CELF2: variants seen among roughly 807,000 people sequenced by gnomAD.
CELF2 encodes CUG triplet repeat RNA-binding protein 2.
In CELF2, 8 loss-of-function variants were observed where a neutral mutation model predicts 62.6. The observed-to-expected ratio is 0.13, with a 90% CI of 0.07 to 0.23. The LOEUF is 0.23. Among genes scored for constraint, CELF2 ranks in the 10% least tolerant of loss-of-function variants. The pLI is 1.00. For missense variants in CELF2, 333 were observed against 671.0 expected (o/e 0.50, Z 5.56); for synonymous variants, 258 against 250.0 (o/e 1.03, Z -0.30).
chr10:11,211,813 A>AGAGTGTGC lies in CELF2; in HGVS notation c.272-5611_272-5610insAGTGTGCG, dbSNP rs1373283373. On this transcript the variant is annotated intron_variant, in intron 2 of 12. Coordinates refer to ENST00000633077, the MANE Select transcript of CELF2 (RefSeq NM_001326342.2). The surrounding 1 kb of genome is among the most constrained non-coding windows in gnomAD (Gnocchi z 4.8). Reference sequence around the variant, plus strand: ...GTGTGAGAGAGAGAGAGAGAGAGAGAGTGTGTGTGTGTGTGTGTGTGTGTG... The same window carrying AGAGTGTGC: ...GTGTGAGAGAGAGAGAGAGAGAGAGAGAGTGTGCGTGTGTGTGTGTGTGTGTGTGTGTG... 1.6e-3 allele frequency among the ~76,000 whole-genome samples: 141 copies of AGAGTGTGC among 89,358 alleles called. No individual in the cohort carries two copies. The highest frequency in any genetic ancestry group is 6.5e-3 in the African/African-American group (138 of 21,212). 58.6% of individuals were successfully genotyped at this position (89,358 alleles called of 152,430 possible).
the CELF2 span, among the ~76,000 whole-genome samples, chr10:10,762,444 C>A: frequency 2.6e-5 from 4 of 152,130 alleles, no homozygotes; most frequent in African/African-American, 9.7e-5. Flanking sequence ...GTAGGAAAAT[C>A]ATCTGAGAAT....
intron 2 of CELF2, among the ~76,000 whole-genome samples, chr10:10,930,296 A>T (rs1484133074): frequency 6.6e-6 from 1 of 152,212 alleles, no homozygotes; most frequent in Non-Finnish European, 1.5e-5. Flanking sequence ...AGAGATTTTG[A>T]TACCCTATTT....
intron 1 of CELF2, among the ~76,000 whole-genome samples, chr10:11,033,483 C>T (rs2060466587): frequency 6.6e-6 from 1 of 152,094 alleles, no homozygotes; most frequent in South Asian, 2.1e-4. Flanking sequence ...TCTCAGCCTC[C>T]CGACCTCAGG....
chr10:11,208,201 G>A (rs765357607), intron 2 of CELF2, among the ~76,000 whole-genome samples: 25 of 152,072 alleles, frequency 1.6e-4, no homozygotes, highest in Admixed American at 3.3e-4. Context: ...TGGGGAGTTA[G>A]GCTGGTAGAA....
At chr10:10,844,119 A>G (rs532878527) in intron 1 of CELF2, among the ~76,000 whole-genome samples, 1 of 152,116 alleles carries the variant, frequency 6.6e-6, no homozygotes, top group African/African-American at 2.4e-5. Context: ...TTCCTGCCTC[A>G]GAGTCCTGAT....
intron 1 of CELF2, among the ~76,000 whole-genome samples, chr10:10,834,649 G>C (rs1435761817): frequency 6.6e-6 from 1 of 152,204 alleles, no homozygotes; most frequent in Non-Finnish European, 1.5e-5. Context: ...CATCCTGCAA[G>C]TCAGACCCAA....
In CELF2 at chr10:10,964,367, C is replaced by A. The variant is rs2049888936; in HGVS notation, c.89+44368C>A. ...ATCAGTGATTAAGGGGGTAAACTGGCCACTTTTTGAAGGTGTTTTAACACT... is the reference window on the plus strand; with the variant it reads ...ATCAGTGATTAAGGGGGTAAACTGGACACTTTTTGAAGGTGTTTTAACACT... On this transcript the variant is annotated intron_variant, in intron 2 of 13. Coordinates refer to the CELF2 transcript ENST00000636488. Among the ~76,000 whole-genome samples the A allele has an allele frequency of 2.0e-5, 3 of 152,182 alleles. No homozygotes were observed. The South Asian group carries it at 6.2e-4, about 32-fold the overall frequency.
At chr10:10,893,318 T>C (rs11814958) in intron 1 of CELF2, among the ~76,000 whole-genome samples, 4,219 of 152,194 alleles carry the variant, frequency 0.028, 183 homozygotes, top group African/African-American at 0.095. Context: ...GCCCTAAGAT[T>C]ATGGAAGTGC....
intron 1 of CELF2, among the ~76,000 whole-genome samples, chr10:11,152,570 C>T (rs1355153989): frequency 6.6e-6 from 1 of 152,194 alleles, no homozygotes; most frequent in Non-Finnish European, 1.5e-5. Context: ...CACCTTTTAA[C>T]CTTTTCACTC....
At chr10:10,670,909 C>T in the CELF2 span, among the ~76,000 whole-genome samples, 14 of 142,534 alleles carry the variant, frequency 9.8e-5, no homozygotes, top group Non-Finnish European at 1.7e-4. Context: ...TGGCTCATGC[C>T]TGTAACCTCA....
the CELF2 span, among the ~76,000 whole-genome samples, chr10:10,608,332 A>G: frequency 2.0e-5 from 3 of 152,178 alleles, no homozygotes; most frequent in Non-Finnish European, 4.4e-5. Flanking sequence ...GTTTACCTGA[A>G]GACAACCAGA....
chr10:11,072,210 A>G (rs1320121612), intron 1 of CELF2, among the ~76,000 whole-genome samples: 1 of 152,216 alleles, frequency 6.6e-6, no homozygotes, highest in Non-Finnish European at 1.5e-5. Flanking sequence ...CATGGAAGAC[A>G]CTAATTTGAG....
At chr10:10,881,504 G>A (rs966364706) in intron 1 of CELF2, among the ~76,000 whole-genome samples, 1 of 152,124 alleles carries the variant, frequency 6.6e-6, no homozygotes, top group Admixed American at 6.6e-5. Flanking sequence ...AAGATTTGTA[G>A]CATTAGACAA....
intron 2 of CELF2, among the ~76,000 whole-genome samples, chr10:10,966,095 G>C (rs2050095918): frequency 6.6e-6 from 1 of 152,246 alleles, no homozygotes; most frequent in African/African-American, 2.4e-5. Context: ...GGGGTACCCA[G>C]ATAGGAGAAC....
intron 1 of CELF2, among the ~76,000 whole-genome samples, chr10:11,101,729 A>G (rs553157787): frequency 6.6e-5 from 10 of 152,122 alleles, no homozygotes; most frequent in South Asian, 2.1e-4. Flanking sequence ...AACACTTGTA[A>G]CCTCTGCATA....
Position 11,321,835 on chromosome 10 carries a change from A to G in CELF2, c.1294+449A>G, listed in dbSNP as rs895954612. ...TATATACCACTCTGGCTTTGTTGAT[A>G]AATAAATGGTTTTAATTATTTCCCC... On this transcript the variant is annotated intron_variant, in intron 11 of 12. Coordinates refer to ENST00000633077, the MANE Select transcript of CELF2 (RefSeq NM_001326342.2). This position sits in a 1 kb window ranked among gnomAD's most constrained non-coding sequence, Gnocchi z 6.2. Among the ~76,000 whole-genome samples, 6 of 152,200 alleles carry G rather than the reference A, an allele frequency of 3.9e-5. No homozygotes were observed. Among genetic ancestry groups the G allele is most frequent in the African/African-American group, 1.4e-4 (6 of 41,442 alleles).
Position 11,332,254 on chromosome 10 carries a change from C to T in CELF2, c.*3201C>T, listed in dbSNP as rs1055275475. The T allele has an allele frequency of 4.6e-5, 7 of 152,176 alleles. No individual in the cohort carries two copies. Among genetic ancestry groups the T allele is most frequent in the African/African-American group, 1.7e-4 (7 of 41,446 alleles). The allele number at this position is 152,176 out of a possible 1,614,324, so 9.4% of individuals were successfully genotyped here. A position where few individuals can be genotyped will look rare whatever the true frequency, so the allele number is the denominator to read the frequency against. On this transcript the variant is annotated 3_prime_UTR_variant, in exon 13 of 13. Coordinates refer to ENST00000633077, the MANE Select transcript of CELF2 (RefSeq NM_001326342.2). ...GTCTAGAATATTTTCATATACCTTGCAGTAAAACGACTTTGTGGCAGGACA... is the reference window on the plus strand; with the variant it reads ...GTCTAGAATATTTTCATATACCTTGTAGTAAAACGACTTTGTGGCAGGACA...
At chr10:10,800,076 C>CT (rs5783175) in intron 1 of CELF2, among the ~76,000 whole-genome samples, 108,252 of 152,078 alleles carry the variant, frequency 0.71, 38,763 homozygotes, top group East Asian at 0.79. Context: ...CTATTCATGA[C>CT]TCTGTCTTCA....
At chr10:10,773,858 GC>G in the CELF2 span, among the ~76,000 whole-genome samples, 1 of 152,166 alleles carries the variant, frequency 6.6e-6, no homozygotes, top group South Asian at 2.1e-4. Context: ...AATTTGCTAA[GC>G]AAACCTTTGC....
Sources: allele counts gnomAD v4.1 joint callset (sites outside exome capture counted in the v4.1 genomes callset), GRCh38; gene constraint gnomAD v4.1.1; non-coding constraint Gnocchi (gnomAD v3.1); transcripts MANE v1.5; gene names NCBI Gene and HGNC (gene_info 2026-07-23, HGNC 2026-07-21).